The following CATSPERT variants were observed in gnomAD, a reference collection of about 807,000 sequenced individuals.
The protein encoded by CATSPERT is catsper channel auxiliary subunit tau.
At chr2:201,617,753 G>C in the CATSPERT span, among the ~76,000 whole-genome samples, 20 of 151,960 alleles carry the variant, frequency 1.3e-4, no homozygotes, top group Non-Finnish European at 1.0e-4. Context: ...AAAGAAACTA[G>C]CATCAGAGTG....
the CATSPERT span, among the ~76,000 whole-genome samples, chr2:201,520,367 A>G: frequency 7.2e-5 from 11 of 152,234 alleles, no homozygotes; most frequent in African/African-American, 2.7e-4. Flanking sequence ...CAGAAAATAC[A>G]TTCTTTTCTT....
chr2:201,606,129 G>T, the CATSPERT span, among the ~76,000 whole-genome samples: 1 of 152,124 alleles, frequency 6.6e-6, no homozygotes, highest in Non-Finnish European at 1.5e-5. Flanking sequence ...GAGGAAAAAC[G>T]AATGTTTAAA....
chr2:201,491,096 G>T, the CATSPERT span: 2 of 1,263,766 alleles, frequency 1.6e-6, no homozygotes, highest in Non-Finnish European at 2.1e-6. Context: ...GTTGGATGCA[G>T]ATATATACAC....
chr2:201,517,358 T>C, the CATSPERT span, among the ~76,000 whole-genome samples: 1 of 152,058 alleles, frequency 6.6e-6, no homozygotes, highest in African/African-American at 2.4e-5. Context: ...GATGAGAGCA[T>C]TTGCCACCGA....
the CATSPERT span, among the ~76,000 whole-genome samples, chr2:201,591,442 G>A: frequency 3.3e-5 from 5 of 151,968 alleles, no homozygotes; most frequent in African/African-American, 9.7e-5. Flanking sequence ...TTGTTCTTTT[G>A]GCTTAGGATT....
At chr2:201,585,265 A>C in the CATSPERT span, among the ~76,000 whole-genome samples, 1 of 152,136 alleles carries the variant, frequency 6.6e-6, no homozygotes, top group Non-Finnish European at 1.5e-5. Context: ...GGATAACCTT[A>C]GGAGAAATAC....
the CATSPERT span, among the ~76,000 whole-genome samples, chr2:201,502,954 G>A: frequency 6.6e-6 from 1 of 150,672 alleles, no homozygotes; most frequent in East Asian, 1.9e-4. Context: ...TCTGTCTTCA[G>A]GTTCAGTGAT....
At chr2:201,601,712 A>G in the CATSPERT span, 1 of 1,581,190 alleles carries the variant, frequency 6.3e-7, no homozygotes, top group South Asian at 1.2e-5. Flanking sequence ...GAGCCATTCT[A>G]ATATCTAGAA....
chr2:201,590,218 G>A, the CATSPERT span, among the ~76,000 whole-genome samples: 3 of 149,276 alleles, frequency 2.0e-5, no homozygotes, highest in Non-Finnish European at 4.4e-5. Flanking sequence ...TCCCACCTAT[G>A]AGTGAGAATA....
the CATSPERT span, chr2:201,565,797 T>C: frequency 6.2e-7 from 1 of 1,612,430 alleles, no homozygotes; most frequent in Non-Finnish European, 8.5e-7. Flanking sequence ...ATTGCACAGC[T>C]GGAGTCCCAA....
chr2:201,491,047 G>T, the CATSPERT span: 1 of 828,510 alleles, frequency 1.2e-6, no homozygotes, highest in Non-Finnish European at 1.8e-6. Flanking sequence ...TTAAATTGGA[G>T]GTCTGTATGT....
At chr2:201,511,528 C>T in the CATSPERT span, among the ~76,000 whole-genome samples, 1 of 152,070 alleles carries the variant, frequency 6.6e-6, no homozygotes, top group Non-Finnish European at 1.5e-5. Flanking sequence ...CTCTTACTAC[C>T]ACCAAACGCT....
At chr2:201,547,403 A>G in the CATSPERT span, 1 of 639,962 alleles carries the variant, frequency 1.6e-6, no homozygotes, top group Non-Finnish European at 2.6e-6. Context: ...TATTTTATAT[A>G]TCAAGGACAA....
the CATSPERT span, among the ~76,000 whole-genome samples, chr2:201,529,685 C>G: frequency 1.3e-5 from 2 of 152,074 alleles, no homozygotes; most frequent in Non-Finnish European, 2.9e-5. Flanking sequence ...CTCCACAATA[C>G]TGGTCTATGC....
At chr2:201,517,328 C>T in the CATSPERT span, among the ~76,000 whole-genome samples, 2 of 152,142 alleles carry the variant, frequency 1.3e-5, no homozygotes, top group East Asian at 3.9e-4. Flanking sequence ...CCCTCCCCAA[C>T]CCCTGCCTCA....
chr2:201,509,822 A>T, the CATSPERT span, among the ~76,000 whole-genome samples: 1 of 150,906 alleles, frequency 6.6e-6, no homozygotes, highest in Non-Finnish European at 1.5e-5. Context: ...AGCAGCTATT[A>T]TAAACCAGGC....
the CATSPERT span, among the ~76,000 whole-genome samples, chr2:201,502,272 A>G: frequency 6.6e-6 from 1 of 152,132 alleles, no homozygotes; most frequent in Non-Finnish European, 1.5e-5. Flanking sequence ...TCTGCCTTTC[A>G]TAGTCTAATA....
the CATSPERT span, chr2:201,537,314 C>A: frequency 1.3e-6 from 1 of 757,698 alleles, no homozygotes; most frequent in South Asian, 2.5e-5. Flanking sequence ...TAATAGAAAC[C>A]ATAAAACAAC....
the CATSPERT span, among the ~76,000 whole-genome samples, chr2:201,608,046 T>C: frequency 6.6e-6 from 1 of 152,206 alleles, no homozygotes; most frequent in Non-Finnish European, 1.5e-5. Context: ...ACAGCAATGC[T>C]AGATTTTACA....
Sources: gnomAD v4.1 joint callset for allele counts (sites outside exome capture counted in the v4.1 genomes callset) on GRCh38, gnomAD v4.1.1 for gene constraint, MANE v1.5 for transcripts, NCBI Gene and HGNC (gene_info 2026-07-23, HGNC 2026-07-21) for gene names.